Variants in CLVS1 observed in about 807,000 individuals in gnomAD.
CLVS1 encodes the protein clavesin 1.
CLVS1 carries 10 observed loss-of-function variants against 33.1 expected under a neutral mutation model. That is an observed-to-expected ratio of 0.30 (90% confidence interval 0.19 to 0.51). CLVS1 has a LOEUF of 0.51. Ranked by LOEUF, CLVS1 falls within the 20% of genes least tolerant of loss-of-function variation. CLVS1 has a pLI of 0.97. For synonymous variants in CLVS1, 163 were observed against 166.1 expected (o/e 0.98, Z 0.14); for missense variants, 343 against 433.4 (o/e 0.79, Z 1.85).
chr8:61,211,082 T>C (rs1252344055), intron 2 of CLVS1, among the ~76,000 whole-genome samples: 1 of 152,046 alleles, frequency 6.6e-6, no homozygotes, highest in East Asian at 1.9e-4. Flanking sequence ...TACAATGCAG[T>C]GAAGAGATCC....
At position 61,322,325 on chromosome 8, in the gene CLVS1, C is replaced by A. The variant is rs75848424; in HGVS notation, c.455+22043C>A. 0.011 allele frequency among the ~76,000 whole-genome samples: 1,692 copies of A among 152,250 alleles called. 95 individuals are homozygous for A. The East Asian group carries it at 0.18, about 16-fold the overall frequency. On this transcript the variant is annotated intron_variant, in intron 2 of 5. Coordinates refer to ENST00000325897, the MANE Select transcript of CLVS1 (RefSeq NM_173519.3). ...TTTGGAGACTGATGTGGATCCTTGG[C>A]AAGCTCTTTCAAGTTCTGATAGACA... is the stretch of plus-strand genomic sequence containing the variant.
At chr8:61,463,557 A>C (rs1817443390) in intron 5 of CLVS1, among the ~76,000 whole-genome samples, 1 of 152,176 alleles carries the variant, frequency 6.6e-6, no homozygotes, top group Non-Finnish European at 1.5e-5. Context: ...TAATTAACCT[A>C]GTTGCAATAC....
the CLVS1 span, among the ~76,000 whole-genome samples, chr8:61,035,745 C>T: frequency 1.3e-5 from 2 of 152,288 alleles, no homozygotes; most frequent in East Asian, 1.9e-4. Flanking sequence ...AATGATGATA[C>T]GTTATGTCTT....
intron 2 of CLVS1, among the ~76,000 whole-genome samples, chr8:61,205,225 G>C (rs557566348): frequency 7.9e-5 from 12 of 152,182 alleles, no homozygotes; most frequent in Admixed American, 2.0e-4. Flanking sequence ...TTTGTGCAAT[G>C]ATCACCACTG....
intron 2 of CLVS1, among the ~76,000 whole-genome samples, chr8:61,195,815 G>C (rs1172537689): frequency 6.6e-6 from 1 of 152,118 alleles, no homozygotes; most frequent in East Asian, 1.9e-4. Flanking sequence ...GAAATGGTGA[G>C]ACTTGTAAAT....
intron 2 of CLVS1, among the ~76,000 whole-genome samples, chr8:61,245,593 G>T (rs767673210): frequency 2.0e-4 from 31 of 151,852 alleles, no homozygotes; most frequent in Middle Eastern, 6.8e-3. Context: ...TATAATTACA[G>T]ATATACTGGG....
chr8:61,135,505 A>G (rs1043711612), intron 2 of CLVS1, among the ~76,000 whole-genome samples: 2 of 152,156 alleles, frequency 1.3e-5, no homozygotes, highest in African/African-American at 4.8e-5. Flanking sequence ...CTTTACACCC[A>G]AGTGAAGAAG....
intron 2 of CLVS1, among the ~76,000 whole-genome samples, chr8:61,228,824 G>A (rs561158054): frequency 1.6e-4 from 25 of 152,144 alleles, no homozygotes; most frequent in African/African-American, 6.0e-4. Flanking sequence ...CCTTCTCTTG[G>A]CTATTGTGAA....
intron 5 of CLVS1, among the ~76,000 whole-genome samples, chr8:61,477,746 C>A (rs1008413624): frequency 6.6e-6 from 1 of 151,810 alleles, no homozygotes. Context: ...TTTCAAAAAA[C>A]CAGCTCCTGG....
the CLVS1 span, among the ~76,000 whole-genome samples, chr8:60,983,475 G>A: frequency 8.7e-4 from 132 of 152,262 alleles, no homozygotes; most frequent in African/African-American, 3.0e-3. Flanking sequence ...GAACCAAGGA[G>A]CCAGCATTTT....
chr8:61,214,492 T>G (rs1808043381), intron 2 of CLVS1, among the ~76,000 whole-genome samples: 1 of 152,056 alleles, frequency 6.6e-6, no homozygotes, highest in Non-Finnish European at 1.5e-5. Flanking sequence ...CGGGGCAGGT[T>G]CCCCAATAGA....
At position 61,319,127 on chromosome 8, in the gene CLVS1, A is replaced by G. The variant is rs537992037; in HGVS notation, c.455+18845A>G. 4.3e-3 allele frequency among the ~76,000 whole-genome samples: 649 copies of G among 152,008 alleles called. 3 individuals are homozygous for G. Among genetic ancestry groups the G allele is most frequent in the Non-Finnish European group, 5.4e-3 (370 of 67,986 alleles). On this transcript the variant is annotated intron_variant, in intron 2 of 5. Transcript: ENST00000325897. ...ATTTCTCTACCTCTTTTGGTTGTTG[A>G]CTCTACCATGGCATTTAATTTTGTC...
the CLVS1 span, among the ~76,000 whole-genome samples, chr8:60,986,800 A>T: frequency 1.8e-4 from 28 of 152,334 alleles, no homozygotes; most frequent in South Asian, 8.3e-4. Context: ...CTTATGGGTA[A>T]CATCGTACTG....
the CLVS1 span, among the ~76,000 whole-genome samples, chr8:60,969,347 C>T: frequency 1.3e-5 from 2 of 152,052 alleles, no homozygotes; most frequent in Non-Finnish European, 2.9e-5. Context: ...ACCCTGTAGC[C>T]CTTAGGACAT....
intron 3 of CLVS1, among the ~76,000 whole-genome samples, chr8:61,424,708 A>G (rs927338198): frequency 5.3e-5 from 8 of 152,126 alleles, no homozygotes; most frequent in African/African-American, 1.9e-4. Flanking sequence ...CAATATTCCC[A>G]GGTACAATGG....
intron 3 of CLVS1, among the ~76,000 whole-genome samples, chr8:61,400,307 G>A (rs1250072379): frequency 6.6e-6 from 1 of 152,106 alleles, no homozygotes; most frequent in Non-Finnish European, 1.5e-5. Flanking sequence ...TGTGAATTGA[G>A]TTCATTCATG....
At chr8:61,259,949 G>A (rs1158676149) in intron 2 of CLVS1, among the ~76,000 whole-genome samples, 2 of 152,158 alleles carry the variant, frequency 1.3e-5, no homozygotes, top group African/African-American at 4.8e-5. Flanking sequence ...CCTTTATCCA[G>A]TCACGTGGCA....
intron 2 of CLVS1, among the ~76,000 whole-genome samples, chr8:61,372,172 T>A (rs951766177): frequency 1.3e-5 from 2 of 152,050 alleles, no homozygotes; most frequent in Non-Finnish European, 2.9e-5. Flanking sequence ...TTGCAGGCAA[T>A]AAAATAAATC....
chr8:61,483,721 G>C (rs2087900), intron 5 of CLVS1, among the ~76,000 whole-genome samples: 109,508 of 152,132 alleles, frequency 0.72, 41,926 homozygotes, highest in Non-Finnish European at 0.86. Flanking sequence ...CAAACTGAAT[G>C]CAGCAGCACA....
Sources: allele counts gnomAD v4.1 joint callset (sites outside exome capture counted in the v4.1 genomes callset), GRCh38; gene constraint gnomAD v4.1.1; transcripts MANE v1.5; gene names NCBI Gene and HGNC (gene_info 2026-07-23, HGNC 2026-07-21).